The following TMEM221 variants were observed in gnomAD, a reference collection of about 807,000 sequenced individuals.
The protein encoded by TMEM221 is Putative transmembrane protein ENSP00000342162.
Under a neutral mutation model 10.2 loss-of-function variants are expected in TMEM221, and 11 were observed. The ratio of observed to expected loss-of-function variants is 1.08; its 90% CI spans 0.68 to 1.79. TMEM221 has a LOEUF of 1.79. Ranked by LOEUF, TMEM221 falls within the 40% of genes most tolerant of loss-of-function variation. The pLI is 0.00. For synonymous variants in TMEM221, 172 were observed against 199.8 expected, an observed-to-expected ratio of 0.86 and a Z score of 1.18; for missense variants, 382 against 417.7, an observed-to-expected ratio of 0.91 and a Z score of 0.75.
chr19:17,442,513 C>T (rs1308550542), intron 2 of TMEM221, among the ~76,000 whole-genome samples: 1 of 150,878 alleles, frequency 6.6e-6, no homozygotes, highest in Non-Finnish European at 1.5e-5. Context: ...GATCTTGGCT[C>T]AGTGCAACCT....
chr19:17,445,131 T>C, intron 2 of TMEM221, 68 bp downstream of exon 2: 3 of 1,383,122 alleles, frequency 2.2e-6, no homozygotes, highest in Non-Finnish European at 3.0e-6. Flanking sequence ...TTGATCCCAG[T>C]TAGGGGACCA....
chr19:17,439,745 G>A (rs2074924246), intron 2 of TMEM221, among the ~76,000 whole-genome samples: 1 of 152,012 alleles, frequency 6.6e-6, no homozygotes, highest in Admixed American at 6.6e-5. Context: ...CAGTAGATTA[G>A]TGGCTTCCAG....
intron 2 of TMEM221, 122 bp from the exon 3 acceptor site, chr19:17,437,049 T>G (rs2074912582): frequency 7.6e-6 from 5 of 657,370 alleles, no homozygotes. Context: ...GCACATAGAA[T>G]AGGCATTTAA....
intron 2 of TMEM221, among the ~76,000 whole-genome samples, chr19:17,437,874 CCTT>C (rs934961041): frequency 6.6e-5 from 10 of 150,596 alleles, no homozygotes; most frequent in South Asian, 2.1e-4. Context: ...TGGGTCTTCT[CCTT>C]CTTCTCCTTC....
chr19:17,446,232 A>C (rs2074952927), intron 1 of TMEM221, among the ~76,000 whole-genome samples: 2 of 151,292 alleles, frequency 1.3e-5, no homozygotes, highest in African/African-American at 2.4e-5. Flanking sequence ...ATCCTTCCTT[A>C]CTTCGATCCA....
chr19:17,448,406 C>G lies in TMEM221; in HGVS notation c.57G>C (p.Ala19=), dbSNP rs1161043072. The stretch of plus-strand genomic sequence containing the variant: ...CGCCCAGCGCCGCCAGCACGGCCGC[C>G]GCGATGCCCAGCAGGGTCATTGCAG... ...VLAAMTLLGI[A]AAVLAALGAQ... Residue 19 remains alanine (A), a synonymous_variant, in exon 1 of 3, where the codon GCG becomes GCC. Transcript: ENST00000341130. The surrounding 1 kb of genome is among the most constrained non-coding windows in gnomAD (Gnocchi z 4.7). The G allele has an allele frequency of 2.0e-6, 3 of 1,464,796 alleles. No homozygotes were observed. Among genetic ancestry groups the G allele is most frequent in the African/African-American group, 1.5e-5 (1 of 68,024 alleles). 90.7% of individuals were successfully genotyped at this position (1,464,796 alleles called of 1,614,324 possible).
At chr19:17,443,884 ACC>A (rs1401097866) in intron 2 of TMEM221, among the ~76,000 whole-genome samples, 3 of 151,936 alleles carry the variant, frequency 2.0e-5, no homozygotes, top group Admixed American at 2.0e-4. Flanking sequence ...TCATTCCTTT[ACC>A]AGCCCGGATG....
chr19:17,445,640 A>G (rs772100217), intron 1 of TMEM221, among the ~76,000 whole-genome samples: 41 of 151,908 alleles, frequency 2.7e-4, no homozygotes, highest in African/African-American at 8.7e-4. Flanking sequence ...CCATTCATCC[A>G]TCCACCCACT....
At chr19:17,445,943 T>C (rs776225797) in intron 1 of TMEM221, among the ~76,000 whole-genome samples, 1 of 151,636 alleles carries the variant, frequency 6.6e-6, no homozygotes, top group Non-Finnish European at 1.5e-5. Flanking sequence ...CTGATATCTA[T>C]CCATTTATCT....
At position 17,448,065 on chromosome 19, in the gene TMEM221, C is replaced by T; in HGVS notation, c.320+78G>A. Reference sequence around the variant, plus strand: ...GGAAGCTGTCCCCCCAGCCTGAGGCCAAAAGAGGGGAAGAGGCTCAACCAG... The same window carrying T: ...GGAAGCTGTCCCCCCAGCCTGAGGCTAAAAGAGGGGAAGAGGCTCAACCAG... On this transcript the variant is annotated intron_variant, in intron 1 of 2. Transcript: ENST00000341130. This position sits in a 1 kb window ranked among gnomAD's most constrained non-coding sequence, Gnocchi z 4.7. 1 of 1,194,702 alleles carries T rather than the reference C, an allele frequency of 8.4e-7. No homozygotes were observed. 74.0% of individuals were successfully genotyped at this position (1,194,702 alleles called of 1,614,324 possible). A position where few individuals can be genotyped will look rare whatever the true frequency, so the allele number is the denominator to read the frequency against.
intron 2 of TMEM221, 141 bp downstream of exon 2, chr19:17,445,058 C>T (rs1309363514): frequency 1.5e-6 from 1 of 689,188 alleles, no homozygotes; most frequent in Admixed American, 2.6e-5. Flanking sequence ...AGACTTTGCC[C>T]AAGGCACCAA....
intron 2 of TMEM221, among the ~76,000 whole-genome samples, chr19:17,439,842 G>T (rs1240068397): frequency 6.6e-6 from 1 of 152,094 alleles, no homozygotes; most frequent in African/African-American, 2.4e-5. Context: ...CCAGATAGTA[G>T]CGATCGTTGC....
chr19:17,436,554 C>G lies in TMEM221; in HGVS notation c.780G>C (p.Ser260=), dbSNP rs1414603381. ...CCCCGTCCCAGTGCCCCAGGCCAGC[C>G]GACAGTGTCCGGTGCATTCTGGATG... ...LPASRMHRTL[S]AGLGHWDGVT... is the part of the protein sequence containing the mutation. The change falls in exon 3 of 3, where the codon TCG becomes TCC. Residue 260 remains serine (S), a synonymous_variant. Transcript: ENST00000341130. The G allele has an allele frequency of 6.5e-7, 1 of 1,536,088 alleles. No homozygotes were observed. Among genetic ancestry groups the G allele is most frequent in the East Asian group, 2.4e-5 (1 of 40,916 alleles).
chr19:17,436,696 C>A lies in TMEM221; in HGVS notation c.638G>T (p.Gly213Val), dbSNP rs760916176. Residue 213 changes from glycine to valine, a missense_variant, in exon 3 of 3, where the codon GGT becomes GTT. By Grantham distance (109) the Gly-to-Val change is moderately radical. Coordinates refer to ENST00000341130, the MANE Select transcript of TMEM221 (RefSeq NM_001190844.2). ...KASPRAQPQQ[G>V]IHRRTPYSTC... ...TGAATAGGGGGTCCGACGATGGATA[C>A]CCTGCTGAGGCTGAGCTCTGGGGCT... The A allele has an allele frequency of 2.6e-6, 4 of 1,534,260 alleles. No individual in the cohort carries two copies. The African/African-American group carries it at 5.5e-5, about 21-fold the overall frequency.
chr19:17,437,914 CTTG>C (rs374238653), intron 2 of TMEM221, among the ~76,000 whole-genome samples: 44,338 of 136,234 alleles, frequency 0.33, 7,001 homozygotes, highest in Non-Finnish European at 0.37. Context: ...TGTTCTTGTT[CTTG>C]TTCTTCTTTT....
At chr19:17,447,840 C>T (rs1011239993) in intron 1 of TMEM221, among the ~76,000 whole-genome samples, 3 of 152,220 alleles carry the variant, frequency 2.0e-5, no homozygotes, top group African/African-American at 7.2e-5. Flanking sequence ...AGCTCAGCCT[C>T]CCCTGTTTGA....
intron 2 of TMEM221, among the ~76,000 whole-genome samples, chr19:17,441,150 G>A (rs187630939): frequency 1.4e-3 from 215 of 150,304 alleles, no homozygotes; most frequent in African/African-American, 5.0e-3. Context: ...GGTGGTTGCA[G>A]TGAGCTGGGA....
chr19:17,445,341 A>C, intron 1 of TMEM221, 57 bp from the exon 2 acceptor site: 2 of 1,422,640 alleles, frequency 1.4e-6, no homozygotes, highest in Non-Finnish European at 1.9e-6. Context: ...TGGTGGGGGG[A>C]GGTCAGTGAG....
intron 2 of TMEM221, among the ~76,000 whole-genome samples, chr19:17,440,752 CTCTG>C (rs1568397479): frequency 6.6e-6 from 1 of 152,114 alleles, no homozygotes; most frequent in Non-Finnish European, 1.5e-5. Flanking sequence ...GGTCCTGCAT[CTCTG>C]TCTGTCTCTG....
Sources: allele counts gnomAD v4.1 joint callset (sites outside exome capture counted in the v4.1 genomes callset), GRCh38; gene constraint gnomAD v4.1.1; non-coding constraint Gnocchi (gnomAD v3.1); transcripts MANE v1.5; gene names NCBI Gene and HGNC (gene_info 2026-07-23, HGNC 2026-07-21).